The following FOXN3 variants were observed in gnomAD, a reference collection of about 807,000 sequenced individuals.
The protein encoded by FOXN3 is forkhead box protein N3.
A neutral mutation model predicts 38.4 loss-of-function variants in FOXN3; 7 were observed. The ratio of observed to expected loss-of-function variants is 0.18; its 90% confidence interval spans 0.10 to 0.34. The LOEUF is 0.34. FOXN3 is among the 10% of genes least tolerant of loss of function. The pLI, the probability that FOXN3 is intolerant of heterozygous loss-of-function variation, is 1.00. For missense variants in FOXN3, 456 were observed against 613.4 expected, an observed-to-expected ratio of 0.74 and a Z score of 2.71; for synonymous variants, 230 against 242.2, an observed-to-expected ratio of 0.95 and a Z score of 0.47.
chr14:89,464,764 C>T (rs1892936050), intron 1 of FOXN3, among the ~76,000 whole-genome samples: 1 of 152,104 alleles, frequency 6.6e-6, no homozygotes, highest in Admixed American at 6.5e-5. Context: ...ATGGCACGAT[C>T]TCAGCTCACT....
intron 1 of FOXN3, among the ~76,000 whole-genome samples, chr14:89,447,483 C>T (rs1892527547): frequency 1.3e-5 from 2 of 152,104 alleles, no homozygotes; most frequent in African/African-American, 4.8e-5. Context: ...TATCCAGCAA[C>T]CCCACATAGT....
intron 4 of FOXN3, among the ~76,000 whole-genome samples, chr14:89,219,367 A>C (rs937584157): frequency 2.0e-5 from 3 of 152,208 alleles, no homozygotes; most frequent in African/African-American, 7.2e-5. Flanking sequence ...GAGTCAGTTA[A>C]ACCTCTTTAC....
At chr14:89,193,509 G>C (rs1262051802) in intron 4 of FOXN3, among the ~76,000 whole-genome samples, 1 of 152,082 alleles carries the variant, frequency 6.6e-6, no homozygotes, top group Non-Finnish European at 1.5e-5. Flanking sequence ...TGGATCTGTA[G>C]AGCATCCACC....
chr14:89,363,963 T>TA (rs1555421711), intron 2 of FOXN3, among the ~76,000 whole-genome samples: 12 of 27,092 alleles, frequency 4.4e-4, no homozygotes, highest in African/African-American at 1.2e-3. Flanking sequence ...TATATATATA[T>TA]ATATATATAT....
intron 1 of FOXN3, among the ~76,000 whole-genome samples, chr14:89,508,406 C>T (rs1430513731): frequency 1.3e-5 from 2 of 152,188 alleles, no homozygotes; most frequent in African/African-American, 4.8e-5. Context: ...TGAAGAAAGA[C>T]AGCCTAGAAA....
At chr14:89,308,001 A>C (rs1887426561) in intron 3 of FOXN3, among the ~76,000 whole-genome samples, 1 of 152,234 alleles carries the variant, frequency 6.6e-6, no homozygotes. Context: ...GCAGTGGCTC[A>C]CACCTGTAAT....
chr14:89,439,260 T>C (rs1053649109), intron 1 of FOXN3, among the ~76,000 whole-genome samples: 4 of 152,082 alleles, frequency 2.6e-5, no homozygotes, highest in Admixed American at 2.6e-4. Context: ...CCATCATGAA[T>C]AGGAGCTGGG....
Position 89,162,069 on chromosome 14 carries a change from A to G in FOXN3, c.*345T>C, listed in dbSNP as rs1887119490. 1 of 187,250 alleles carries G rather than the reference A, an allele frequency of 5.3e-6. No individual in the cohort carries two copies. Among genetic ancestry groups the G allele is most frequent in the African/African-American group, 2.4e-5 (1 of 42,276 alleles). 11.6% of individuals were successfully genotyped at this position (187,250 alleles called of 1,614,324 possible). On this transcript the variant is annotated 3_prime_UTR_variant, in exon 6 of 6. Coordinates refer to ENST00000557258, the MANE Select transcript of FOXN3 (RefSeq NM_005197.4). This position sits in a 1 kb window ranked among gnomAD's most constrained non-coding sequence, Gnocchi z 7.2. ...GTGTGTTCCTGTGATATTGACGTTG[A>G]CATCCCTGCGGATTCAGCCACAGGT...
chr14:89,569,066 G>A (rs989876297), intron 1 of FOXN3, among the ~76,000 whole-genome samples: 2 of 152,082 alleles, frequency 1.3e-5, no homozygotes, highest in Non-Finnish European at 2.9e-5. Flanking sequence ...TTAGCCGGGC[G>A]TGGTGGCGGG....
intron 1 of FOXN3, among the ~76,000 whole-genome samples, chr14:89,607,960 G>A (rs1896306877): frequency 6.7e-6 from 1 of 149,806 alleles, no homozygotes; most frequent in Admixed American, 6.7e-5. Context: ...GGGACTACAG[G>A]CATGCGCCAC....
In FOXN3 at chr14:89,433,861, G is replaced by A. The variant is rs377221203; in HGVS notation, c.-14-21371C>T. Among the ~76,000 whole-genome samples the A allele has an allele frequency of 4.0e-5, 6 of 149,428 alleles. No homozygotes were observed. In the South Asian group the frequency reaches 6.3e-4, roughly 16 times the overall value. On this transcript the variant is annotated intron_variant, in intron 1 of 6. Transcript: ENST00000345097. ...AGACATATTCATTAAATGGACAAAC[G>A]TCTAAAAATACTGAAATATCCAGGG...
At chr14:89,402,836 C>T (rs1423973447) in intron 2 of FOXN3, among the ~76,000 whole-genome samples, 3 of 152,236 alleles carry the variant, frequency 2.0e-5, no homozygotes, top group Non-Finnish European at 4.4e-5. Context: ...AAATACGCCC[C>T]TAGCTTGTTT....
chr14:89,281,176 G>C (rs942957413), intron 3 of FOXN3, among the ~76,000 whole-genome samples, 162 bp from the exon 4 acceptor site: 15 of 152,108 alleles, frequency 9.9e-5, no homozygotes, highest in African/African-American at 3.1e-4. Context: ...TTGTAAACAG[G>C]CTTCATATTT....
intron 4 of FOXN3, among the ~76,000 whole-genome samples, chr14:89,210,176 G>A (rs1261346448): frequency 6.6e-6 from 1 of 152,222 alleles, no homozygotes; most frequent in East Asian, 1.9e-4. Flanking sequence ...CCTGGCAAGA[G>A]GTACCTGGAT....
intron 1 of FOXN3, among the ~76,000 whole-genome samples, chr14:89,477,213 G>A (rs1214072638): frequency 2.6e-5 from 4 of 151,934 alleles, no homozygotes; most frequent in African/African-American, 4.8e-5. Flanking sequence ...ACGGCACCTC[G>A]GAATTGCCTC....
intron 1 of FOXN3, among the ~76,000 whole-genome samples, chr14:89,541,489 A>C (rs1378732259): frequency 6.6e-6 from 1 of 152,198 alleles, no homozygotes; most frequent in Non-Finnish European, 1.5e-5. Context: ...ACAGTTTATA[A>C]ATGCCACAGC....
Position 89,160,438 on chromosome 14 carries a change from C to T in FOXN3, c.*1976G>A, listed in dbSNP as rs1241859748. ...TGTCTGGGGCTGGCCTTTCCTACCT[C>T]GGCATCGCTTCCTCCTTCACATGAA... On this transcript the variant is annotated 3_prime_UTR_variant, in exon 6 of 6. Coordinates refer to ENST00000557258, the MANE Select transcript of FOXN3 (RefSeq NM_005197.4). 2.0e-5 allele frequency: 3 copies of T among 152,484 alleles called. No individual in the cohort carries two copies. Among genetic ancestry groups the T allele is most frequent in the African/African-American group, 4.8e-5 (2 of 41,388 alleles). 9.4% of individuals were successfully genotyped at this position (152,484 alleles called of 1,614,324 possible). A position where few individuals can be genotyped will look rare whatever the true frequency, so the allele number is the denominator to read the frequency against.
chr14:89,497,908 C>CTGTT (rs1344072986), intron 1 of FOXN3, among the ~76,000 whole-genome samples: 1 of 140,794 alleles, frequency 7.1e-6, no homozygotes, highest in East Asian at 2.0e-4. Context: ...TTGTTATTTC[C>CTGTT]TGTTTGTTTG....
chr14:89,429,572 T>C (rs1276132565), intron 1 of FOXN3, among the ~76,000 whole-genome samples: 2 of 151,862 alleles, frequency 1.3e-5, no homozygotes, highest in African/African-American at 4.8e-5. Flanking sequence ...TCATTTAAAC[T>C]TGGGGTGCAA....
Sources: gnomAD v4.1 joint callset for allele counts (sites outside exome capture counted in the v4.1 genomes callset) on GRCh38, gnomAD v4.1.1 for gene constraint, Gnocchi (gnomAD v3.1) non-coding constraint, MANE v1.5 for transcripts, NCBI Gene and HGNC (gene_info 2026-07-23, HGNC 2026-07-21) for gene names.